CNTNAP5: variants seen among roughly 807,000 people sequenced by gnomAD.
The protein encoded by CNTNAP5 is contactin associated protein family member 5, also known as contactin-associated protein-like 5.
CNTNAP5 carries 72 observed loss-of-function variants against 150.2 expected under a neutral mutation model. That is an observed-to-expected ratio of 0.48 (90% CI 0.40 to 0.58). The LOEUF (loss-of-function observed/expected upper bound fraction) is 0.58, where lower values mean the gene tolerates loss of function less well. Among genes scored for constraint, CNTNAP5 ranks in the 20% least tolerant of loss-of-function variants. The pLI, the probability that CNTNAP5 is intolerant of heterozygous loss-of-function variation, is 0.00. For missense variants in CNTNAP5, 1,636 were observed against 1,626.2 expected, an observed-to-expected ratio of 1.01 and a Z score of -0.10; for synonymous variants, 672 against 619.8, an observed-to-expected ratio of 1.08 and a Z score of -1.25.
At chr2:124,124,460 G>A (rs1159717028) in intron 1 of CNTNAP5, among the ~76,000 whole-genome samples, 1 of 152,190 alleles carries the variant, frequency 6.6e-6, no homozygotes, top group East Asian at 1.9e-4. Context: ...AAGAGACGGG[G>A]AGAATGGAAC....
chr2:124,070,832 C>T (rs913905211), intron 1 of CNTNAP5, among the ~76,000 whole-genome samples: 2 of 151,928 alleles, frequency 1.3e-5, no homozygotes, highest in African/African-American at 4.8e-5. Flanking sequence ...ATTTAATCTG[C>T]ACTGTACAGC....
intron 19 of CNTNAP5, among the ~76,000 whole-genome samples, chr2:124,803,040 G>A (rs548728981): frequency 5.6e-4 from 85 of 151,792 alleles, no homozygotes; most frequent in African/African-American, 1.9e-3. Context: ...ATGTGAACCC[G>A]GGAGGTGGAG....
chr2:124,333,111 G>A (rs979113630), intron 3 of CNTNAP5, among the ~76,000 whole-genome samples: 3 of 151,888 alleles, frequency 2.0e-5, no homozygotes, highest in African/African-American at 7.3e-5. Flanking sequence ...TAGTTTAAAA[G>A]GATAATTGGA....
Position 124,903,078 on chromosome 2 carries a change from G to T in CNTNAP5, c.3633G>T (p.Val1211=). 6.3e-7 allele frequency: 1 copy of T among 1,585,030 alleles called. No homozygotes were observed. Among genetic ancestry groups the T allele is most frequent in the Non-Finnish European group, 8.6e-7 (1 of 1,163,978 alleles). The part of the protein sequence containing the change: ...GFMVDSDVNA[V]TTVHSSSDPF... ...TGGTGGACTCAGATGTGAATGCAGT[G>T]ACCACGGTGCATTCTTCATCAGGTA... Residue 1211 remains valine (V), a synonymous_variant, in exon 22 of 24, where the codon GTG becomes GTT. Coordinates refer to ENST00000682447, the MANE Select transcript of CNTNAP5 (RefSeq NM_001367498.1).
intron 3 of CNTNAP5, among the ~76,000 whole-genome samples, chr2:124,357,863 T>C (rs1690061987): frequency 6.6e-6 from 1 of 150,546 alleles, no homozygotes; most frequent in Non-Finnish European, 1.5e-5. Flanking sequence ...GGTAGCTTGA[T>C]GGGGATGGCA....
At chr2:124,738,880 A>G (rs1680444079) in intron 13 of CNTNAP5, among the ~76,000 whole-genome samples, 1 of 152,222 alleles carries the variant, frequency 6.6e-6, no homozygotes, top group East Asian at 1.9e-4. Flanking sequence ...TTACTCTGTC[A>G]TTTAACCTTA....
chr2:124,725,587 A>G (rs1462950723), intron 13 of CNTNAP5, among the ~76,000 whole-genome samples: 2 of 149,920 alleles, frequency 1.3e-5, no homozygotes, highest in Non-Finnish European at 3.0e-5. Flanking sequence ...AACACTTAAG[A>G]TTTACTCTTT....
chr2:124,522,287 G>T (rs1694862733), intron 8 of CNTNAP5, among the ~76,000 whole-genome samples: 1 of 152,154 alleles, frequency 6.6e-6, no homozygotes, highest in South Asian at 2.1e-4. Context: ...ACCAAGGCAG[G>T]TCTATTTTAC....
chr2:124,451,303 A>G (rs1692976529), intron 6 of CNTNAP5, among the ~76,000 whole-genome samples: 1 of 151,720 alleles, frequency 6.6e-6, no homozygotes, highest in African/African-American at 2.4e-5. Context: ...TTAATCTCTG[A>G]GAATAAGTTT....
intron 9 of CNTNAP5, among the ~76,000 whole-genome samples, chr2:124,524,900 A>T (rs1406422308): frequency 6.6e-6 from 1 of 152,164 alleles, no homozygotes; most frequent in African/African-American, 2.4e-5. Flanking sequence ...TTCCTCTCTT[A>T]GTCTCCTGTC....
At chr2:124,091,588 C>T (rs1682814154) in intron 1 of CNTNAP5, among the ~76,000 whole-genome samples, 1 of 152,134 alleles carries the variant, frequency 6.6e-6, no homozygotes, top group African/African-American at 2.4e-5. Context: ...AGTAGCTTTC[C>T]AATAACTGTG....
chr2:124,400,444 A>G (rs1691376231), intron 3 of CNTNAP5, among the ~76,000 whole-genome samples: 1 of 152,040 alleles, frequency 6.6e-6, no homozygotes, highest in South Asian at 2.1e-4. Flanking sequence ...CAGCCTTTTC[A>G]TCTTTGTTTC....
At chr2:124,338,978 G>C (rs961559516) in intron 3 of CNTNAP5, among the ~76,000 whole-genome samples, 1 of 152,128 alleles carries the variant, frequency 6.6e-6, no homozygotes, top group African/African-American at 2.4e-5. Flanking sequence ...TCACAGAAGA[G>C]CTGTAACATA....
chr2:124,696,971 C>T (rs1269927969), intron 13 of CNTNAP5, among the ~76,000 whole-genome samples: 1 of 152,066 alleles, frequency 6.6e-6, no homozygotes, highest in Admixed American at 6.6e-5. Context: ...TTGTTTCTTT[C>T]AGCCTTTTCA....
intron 1 of CNTNAP5, among the ~76,000 whole-genome samples, chr2:124,157,255 T>A (rs1043892791): frequency 3.5e-4 from 53 of 152,180 alleles, no homozygotes; most frequent in Non-Finnish European, 1.5e-5. Context: ...TGAGTTTTTA[T>A]TTTCCAGTGC....
At chr2:124,243,786 G>T (rs986995648) in intron 3 of CNTNAP5, among the ~76,000 whole-genome samples, 3 of 151,734 alleles carry the variant, frequency 2.0e-5, no homozygotes, top group Non-Finnish European at 4.4e-5. Flanking sequence ...TAACAAACCT[G>T]CCCATGTACC....
intron 1 of CNTNAP5, among the ~76,000 whole-genome samples, chr2:124,087,886 T>C (rs1216419773): frequency 6.6e-6 from 1 of 152,204 alleles, no homozygotes; most frequent in Non-Finnish European, 1.5e-5. Context: ...AAGATGTTTT[T>C]CTTTGTTTTT....
chr2:124,119,716 T>G (rs1683516118), intron 1 of CNTNAP5, among the ~76,000 whole-genome samples: 1 of 152,138 alleles, frequency 6.6e-6, no homozygotes, highest in South Asian at 2.1e-4. Flanking sequence ...GAGACCAGCC[T>G]GGGCAACACA....
chr2:124,789,274 T>C (rs894725978), intron 17 of CNTNAP5, among the ~76,000 whole-genome samples: 10 of 152,146 alleles, frequency 6.6e-5, no homozygotes, highest in African/African-American at 2.4e-4. Context: ...ACAAGAAACA[T>C]GGCCATCTGA....
Sources: allele counts gnomAD v4.1 joint callset (sites outside exome capture counted in the v4.1 genomes callset), GRCh38; gene constraint gnomAD v4.1.1; transcripts MANE v1.5; gene names NCBI Gene and HGNC (gene_info 2026-07-23, HGNC 2026-07-21).